Variants in TCAIM observed in about 807,000 individuals in gnomAD.
The protein encoded by TCAIM is T cell activation inhibitor, mitochondrial.
Under a neutral mutation model 58.6 loss-of-function variants are expected in TCAIM, and 36 were observed. The observed-to-expected ratio is 0.61, with a 90% CI of 0.47 to 0.81. The LOEUF (loss-of-function observed/expected upper bound fraction) is 0.81. TCAIM is among the 30% of genes least tolerant of loss of function. The probability of loss-of-function intolerance (pLI) is 0.00; values close to 1 mark genes in which losing one functional copy is unlikely to be tolerated. For missense variants in TCAIM, 466 were observed against 579.6 expected, an observed-to-expected ratio of 0.80 and a Z score of 2.01; for synonymous variants, 172 against 193.6, an observed-to-expected ratio of 0.89 and a Z score of 0.93.
intron 2 of TCAIM, 139 bp downstream of exon 2, chr3:44,354,950 A>G: frequency 1.0e-6 from 1 of 996,524 alleles, no homozygotes; most frequent in Non-Finnish European, 1.5e-6. Context: ...AAGAAAGAAA[A>G]TTTATATGAG....
At chr3:44,360,736 G>C (rs1701283072) in intron 3 of TCAIM, among the ~76,000 whole-genome samples, 1 of 151,888 alleles carries the variant, frequency 6.6e-6, no homozygotes, top group Non-Finnish European at 1.5e-5. Flanking sequence ...CTCCTGAGTA[G>C]CTGGGACCAC....
intron 1 of TCAIM, among the ~76,000 whole-genome samples, chr3:44,344,490 C>G (rs1700923974): frequency 1.3e-5 from 2 of 152,272 alleles, no homozygotes; most frequent in South Asian, 2.1e-4. Flanking sequence ...CTGGGAAATT[C>G]AACATCAAGA....
chr3:44,376,174 G>A (rs917685465), intron 5 of TCAIM, among the ~76,000 whole-genome samples: 63 of 152,170 alleles, frequency 4.1e-4, no homozygotes, highest in Admixed American at 4.6e-4. Context: ...TGGAGAGCAG[G>A]ACTATTAATG....
intron 3 of TCAIM, chr3:44,358,157 G>C: frequency 6.6e-7 from 1 of 1,526,644 alleles, no homozygotes; most frequent in Non-Finnish European, 8.7e-7. Flanking sequence ...TTGAGGGTTT[G>C]AAAGAAAACT....
chr3:44,345,373 C>T (rs778925196), intron 1 of TCAIM, among the ~76,000 whole-genome samples: 15 of 152,094 alleles, frequency 9.9e-5, no homozygotes, highest in Non-Finnish European at 1.8e-4. Flanking sequence ...TGGGAGGACC[C>T]AGGACATCCA....
intron 5 of TCAIM, among the ~76,000 whole-genome samples, chr3:44,383,664 G>GA (rs1701688492): frequency 6.6e-6 from 1 of 151,934 alleles, no homozygotes; most frequent in African/African-American, 2.4e-5. Flanking sequence ...TAATACCACT[G>GA]AACTGTACAC....
chr3:44,388,128 C>T (rs1701774145), intron 5 of TCAIM, among the ~76,000 whole-genome samples: 1 of 151,738 alleles, frequency 6.6e-6, no homozygotes, highest in African/African-American at 2.4e-5. Flanking sequence ...CCCCTAAATA[C>T]CTAGGTTGTA....
At chr3:44,385,941 AT>A (rs1036726709) in intron 5 of TCAIM, among the ~76,000 whole-genome samples, 9 of 151,732 alleles carry the variant, frequency 5.9e-5, no homozygotes, top group South Asian at 2.1e-4. Context: ...CTCTACAATT[AT>A]TTTTTTTCTC....
chr3:44,380,253 TA>T (rs1156892118), intron 5 of TCAIM, among the ~76,000 whole-genome samples: 3 of 152,178 alleles, frequency 2.0e-5, no homozygotes, highest in African/African-American at 7.2e-5. Flanking sequence ...ATCAATCGTG[TA>T]TTTCAGAATA....
chr3:44,395,027 AT>A lies in TCAIM; in HGVS notation c.696-1370del, dbSNP rs1701912587. ...ATAAAAGGGTCCCTGAGACCATAAC[AT>A]TTGAGGACCATGGGCATGAGGGCTT... is the stretch of plus-strand genomic sequence containing the variant. On this transcript the variant is annotated intron_variant, in intron 6 of 10. Coordinates refer to ENST00000342649, the MANE Select transcript of TCAIM (RefSeq NM_173826.4). Among the ~76,000 whole-genome samples, 5 of 141,588 alleles carry A rather than the reference AT, an allele frequency of 3.5e-5. No homozygotes were observed. In the South Asian group the frequency reaches 9.1e-4, roughly 26 times the overall value. 92.9% of individuals were successfully genotyped at this position (141,588 alleles called of 152,430 possible). A position where few individuals can be genotyped will look rare whatever the true frequency, so the allele number is the denominator to read the frequency against.
At position 44,344,998 on chromosome 3, in the gene TCAIM, C is replaced by T. The variant is rs139904930; in HGVS notation, c.-45+6164C>T. On this transcript the variant is annotated intron_variant, in intron 1 of 10. Coordinates refer to ENST00000342649, the MANE Select transcript of TCAIM (RefSeq NM_173826.4). ...TTACTTCAGGCCATCTGGATGTATA[C>T]GTTCAGGCTTGGGCTCAGAGGCCTG... 8.9e-3 allele frequency among the ~76,000 whole-genome samples: 1,359 copies of T among 152,184 alleles called. 20 individuals carry two copies. The highest frequency in any genetic ancestry group is 0.032 in the African/African-American group (1,309 of 41,538).
intron 4 of TCAIM, among the ~76,000 whole-genome samples, chr3:44,364,804 T>G (rs2125636344): frequency 6.6e-6 from 1 of 151,942 alleles, no homozygotes; most frequent in South Asian, 2.1e-4. Flanking sequence ...AATAATTAGG[T>G]AGTATTTTTT....
At chr3:44,338,943 T>G (rs1559554615) in intron 1 of TCAIM, 109 bp downstream of exon 1, 1 of 152,016 alleles carries the variant, frequency 6.6e-6, no homozygotes, top group Non-Finnish European at 1.5e-5. Flanking sequence ...GTGCTAACTT[T>G]TGAATTGAGG....
intron 1 of TCAIM, among the ~76,000 whole-genome samples, chr3:44,353,264 CT>C (rs1701129168): frequency 1.3e-5 from 2 of 151,914 alleles, no homozygotes; most frequent in African/African-American, 4.8e-5. Flanking sequence ...TCCTCCCTGA[CT>C]TTTTTTTAGC....
chr3:44,403,034 C>T (rs898734246), intron 10 of TCAIM, among the ~76,000 whole-genome samples: 1 of 152,052 alleles, frequency 6.6e-6, no homozygotes, highest in Non-Finnish European at 1.5e-5. Flanking sequence ...TTTGGGAGGC[C>T]GAGGTGGGCG....
chr3:44,369,420 A>T (rs1217144891), intron 5 of TCAIM, among the ~76,000 whole-genome samples: 1 of 152,226 alleles, frequency 6.6e-6, no homozygotes, highest in South Asian at 2.1e-4. Context: ...AGAATGTATT[A>T]AAGGATTTCA....
chr3:44,352,679 C>T (rs969401299), intron 1 of TCAIM, among the ~76,000 whole-genome samples: 4 of 152,230 alleles, frequency 2.6e-5, no homozygotes, highest in Admixed American at 1.3e-4. Context: ...TGGTGTTGTC[C>T]ATTCTAAGGA....
chr3:44,359,875 A>G (rs1318455296), intron 3 of TCAIM: 3 of 152,198 alleles, frequency 2.0e-5, no homozygotes, highest in Non-Finnish European at 4.4e-5. Flanking sequence ...CCCTGACACA[A>G]TGTGCCTAGA....
intron 4 of TCAIM, among the ~76,000 whole-genome samples, chr3:44,364,239 TAA>T (rs77542917): frequency 2.8e-5 from 4 of 141,536 alleles, no homozygotes; most frequent in Non-Finnish European, 1.5e-5. Flanking sequence ...GACTGTCATT[TAA>T]AAAAAAAAAA....
Sources: allele counts gnomAD v4.1 joint callset (sites outside exome capture counted in the v4.1 genomes callset), GRCh38; gene constraint gnomAD v4.1.1; transcripts MANE v1.5; gene names NCBI Gene and HGNC (gene_info 2026-07-23, HGNC 2026-07-21).